MYO1H: variants seen among roughly 807,000 people sequenced by gnomAD.
The protein encoded by MYO1H is myosin IH, also known as unconventional myosin-Ih.
Under a neutral mutation model 149.3 loss-of-function variants are expected in MYO1H, and 118 were observed. The ratio of observed to expected loss-of-function variants is 0.79; its 90% CI spans 0.68 to 0.92. MYO1H has a LOEUF of 0.92. Ranked by LOEUF, MYO1H falls within the 40% of genes least tolerant of loss-of-function variation. The probability of loss-of-function intolerance (pLI) is 0.00; values close to 1 mark genes in which losing one functional copy is unlikely to be tolerated. For synonymous variants in MYO1H, 447 were observed against 465.2 expected, an observed-to-expected ratio of 0.96 and a Z score of 0.50; for missense variants, 1,212 against 1,280.7, an observed-to-expected ratio of 0.95 and a Z score of 0.82.
At chr12:109,447,369 T>G in exon 32 of MYO1H, 1 of 629,764 alleles carries the variant, frequency 1.6e-6, no homozygotes, top group Non-Finnish European at 2.9e-6. Flanking sequence ...AGCTGCCCCA[T>G]GGCACCTTAT....
chr12:109,318,739 C>T, the MYO1H span, among the ~76,000 whole-genome samples: 2 of 152,118 alleles, frequency 1.3e-5, no homozygotes, highest in Non-Finnish European at 2.9e-5. Flanking sequence ...CCAGAAGCGA[C>T]TGGGTGGGCA....
intron 3 of MYO1H, among the ~76,000 whole-genome samples, chr12:109,394,220 AAAC>A (rs1869796799): frequency 6.6e-6 from 1 of 152,230 alleles, no homozygotes; most frequent in South Asian, 2.1e-4. Flanking sequence ...TCTTGTCTCC[AAAC>A]ACCATGTTTC....
intron 26 of MYO1H, among the ~76,000 whole-genome samples, 183 bp from the exon 27 acceptor site, chr12:109,442,034 G>A (rs780047102): frequency 3.9e-5 from 6 of 152,072 alleles, no homozygotes; most frequent in South Asian, 2.1e-4. Context: ...GAGACAGAGC[G>A]AGACTCTGTC....
chr12:109,435,565 G>A (rs895229255), intron 21 of MYO1H, among the ~76,000 whole-genome samples: 4 of 152,216 alleles, frequency 2.6e-5, no homozygotes, highest in Non-Finnish European at 5.9e-5. Flanking sequence ...GGGGGAGGGA[G>A]CGTCTCTTTT....
intron 1 of MYO1H, chr12:109,354,332 G>A (rs896007952): frequency 1.3e-5 from 2 of 152,184 alleles, no homozygotes; most frequent in Admixed American, 6.5e-5. Flanking sequence ...GCCAGGCACA[G>A]TGGCTCAAGC....
chr12:109,347,437 C>T (rs139426749), upstream of MYO1H, among the ~76,000 whole-genome samples: 4 of 152,066 alleles, frequency 2.6e-5, no homozygotes, highest in South Asian at 2.1e-4. Flanking sequence ...CCTGAGTCTC[C>T]GTATTATGAA....
chr12:109,345,583 C>T (rs539577431), upstream of MYO1H, among the ~76,000 whole-genome samples: 10 of 152,012 alleles, frequency 6.6e-5, no homozygotes, highest in East Asian at 3.9e-4. Context: ...AGAGTTAACA[C>T]GTAACCCAGC....
intron 15 of MYO1H, among the ~76,000 whole-genome samples, chr12:109,419,697 A>T (rs1312647338): frequency 6.6e-6 from 1 of 151,892 alleles, no homozygotes; most frequent in Non-Finnish European, 1.5e-5. Flanking sequence ...ACAGGCATGC[A>T]CCACCACACG....
At chr12:109,436,366 C>T in intron 21 of MYO1H, 122 bp from the exon 22 acceptor site, 1 of 665,646 alleles carries the variant, frequency 1.5e-6, no homozygotes, top group Non-Finnish European at 2.7e-6. Flanking sequence ...CTTCCTGAAA[C>T]ATCACTACAC....
chr12:109,407,276 T>C (rs1870436153), intron 9 of MYO1H, among the ~76,000 whole-genome samples: 1 of 152,104 alleles, frequency 6.6e-6, no homozygotes, highest in South Asian at 2.1e-4. Flanking sequence ...TGTGATTCTT[T>C]GAATGTCTCT....
intron 1 of MYO1H, among the ~76,000 whole-genome samples, chr12:109,364,997 G>A (rs922539596): frequency 1.3e-5 from 2 of 152,180 alleles, no homozygotes; most frequent in African/African-American, 4.8e-5. Flanking sequence ...CAGGCAGGGC[G>A]TGGTGGTTCA....
chr12:109,352,340 G>A (rs918752699), intron 1 of MYO1H, among the ~76,000 whole-genome samples: 1 of 152,128 alleles, frequency 6.6e-6, no homozygotes, highest in Non-Finnish European at 1.5e-5. Context: ...TCGTGTGCAT[G>A]AGCATATTCA....
chr12:109,373,123 T>C (rs1319878959), intron 1 of MYO1H, among the ~76,000 whole-genome samples: 1 of 152,172 alleles, frequency 6.6e-6, no homozygotes, highest in Admixed American at 6.5e-5. Flanking sequence ...TGAATTTACA[T>C]ATCATATATA....
At chr12:109,377,943 C>T (rs1037852110) in intron 1 of MYO1H, among the ~76,000 whole-genome samples, 12 of 152,152 alleles carry the variant, frequency 7.9e-5, no homozygotes, top group Middle Eastern at 3.2e-3. Flanking sequence ...CAGTTCCAGA[C>T]ACAATGTCAT....
chr12:109,348,646 G>A (rs1272343267), intron 1 of MYO1H, among the ~76,000 whole-genome samples: 1 of 152,184 alleles, frequency 6.6e-6, no homozygotes, highest in Non-Finnish European at 1.5e-5. Context: ...TGGGAAGATG[G>A]AAGACAGAAC....
intron 1 of MYO1H, among the ~76,000 whole-genome samples, chr12:109,372,868 T>C (rs1472069333): frequency 1.3e-5 from 2 of 152,080 alleles, no homozygotes; most frequent in Non-Finnish European, 2.9e-5. Flanking sequence ...CTATATGATA[T>C]TGAATCTCCC....
At position 109,358,846 on chromosome 12, in the gene MYO1H, T is replaced by TAAAAAAAAA. The variant is rs541289093; in HGVS notation, c.12+10890_12+10898dup. Among the ~76,000 whole-genome samples the TAAAAAAAAA allele has an allele frequency of 2.8e-3, 234 of 84,532 alleles. 9 individuals carry two copies. The highest frequency in any genetic ancestry group is 0.013 in the African/African-American group (228 of 17,854). The allele number at this position is 84,532 out of a possible 152,430, so 55.5% of individuals were successfully genotyped here. On this transcript the variant is annotated intron_variant, in intron 1 of 31. Coordinates refer to ENST00000310903, the Ensembl canonical transcript of MYO1H. ...TTCTGGGGGAAGCATCCTGTGGTGT[T>TAAAAAAAAA]AAAAAAAAAAAAAAAAAAAAAAAAG... is the stretch of plus-strand genomic sequence containing the variant.
Position 109,421,046 on chromosome 12 carries a change from T to G in MYO1H, c.1644+19T>G. On this transcript the variant is annotated intron_variant, in intron 16 of 31. Transcript: ENST00000310903. ...GAAAGAAGTAAGTCTGACACTTAAC[T>G]GTATGTGTTTCTGATTATTTTGAAA... The G allele has an allele frequency of 6.8e-7, 1 of 1,479,028 alleles. No individual in the cohort carries two copies. Among genetic ancestry groups the G allele is most frequent in the Non-Finnish European group, 9.4e-7 (1 of 1,068,668 alleles). 91.6% of individuals were successfully genotyped at this position (1,479,028 alleles called of 1,614,324 possible).
At chr12:109,334,323 CTTAT>C in the MYO1H span, among the ~76,000 whole-genome samples, 1 of 151,990 alleles carries the variant, frequency 6.6e-6, no homozygotes, top group South Asian at 2.1e-4. Context: ...CCCAGCCCTA[CTTAT>C]TTGTTTACTT....
Sources: allele counts gnomAD v4.1 joint callset (sites outside exome capture counted in the v4.1 genomes callset), GRCh38; gene constraint gnomAD v4.1.1; transcripts MANE v1.5; gene names NCBI Gene and HGNC (gene_info 2026-07-23, HGNC 2026-07-21).